CAMTA1: variants seen among roughly 807,000 people sequenced by gnomAD.
The protein encoded by CAMTA1 is calmodulin-binding transcription activator 1.
In CAMTA1, 27 loss-of-function variants were observed where a neutral mutation model predicts 170.9. The observed-to-expected ratio is 0.16, with a 90% confidence interval of 0.12 to 0.22. The LOEUF (loss-of-function observed/expected upper bound fraction) is 0.22, where lower values mean the gene tolerates loss of function less well. CAMTA1 is among the 10% of genes least tolerant of loss of function. The pLI is 1.00. For synonymous variants in CAMTA1, 833 were observed against 891.5 expected, an observed-to-expected ratio of 0.93 and a Z score of 1.17; for missense variants, 1,619 against 2,217.2, an observed-to-expected ratio of 0.73 and a Z score of 5.42.
At chr1:7,424,933 A>G (rs562470627) in intron 5 of CAMTA1, among the ~76,000 whole-genome samples, 176 of 152,180 alleles carry the variant, frequency 1.2e-3, no homozygotes, top group Non-Finnish European at 2.0e-3. Context: ...AGTTGAGGGG[A>G]CAAGAAGGGA....
chr1:7,296,694 C>T (rs1003820410), intron 5 of CAMTA1, among the ~76,000 whole-genome samples: 9 of 151,870 alleles, frequency 5.9e-5, no homozygotes, highest in Non-Finnish European at 1.0e-4. Flanking sequence ...GTTTTGGCCA[C>T]GTCAAGGGTG....
At chr1:6,973,691 G>T (rs986810764) in intron 3 of CAMTA1, among the ~76,000 whole-genome samples, 2 of 152,162 alleles carry the variant, frequency 1.3e-5, no homozygotes, top group African/African-American at 4.8e-5. Context: ...CAGTGGCCAC[G>T]ATTCTGAACC....
At chr1:6,906,181 A>AATGCTCCTGGCAGT (rs113884533) in intron 3 of CAMTA1, among the ~76,000 whole-genome samples, 54 of 151,844 alleles carry the variant, frequency 3.6e-4, no homozygotes, top group Admixed American at 5.9e-4. Flanking sequence ...GTCATGTCAA[A>AATGCTCCTGGCAGT]TGGTACTCCC....
In CAMTA1 at chr1:7,661,739, G is replaced by A. The variant is rs775074816; in HGVS notation, c.678G>A (p.Lys226=). ...CTCTCTTCACAGTCCATGGCATCAA[G>A]TGGACCTGCAGCAATGGGAACAGCA... ...GQLKPMFHGI[K]WTCSNGNSSS... is the part of the protein sequence containing the mutation. Residue 226 remains lysine, a synonymous_variant, in exon 8 of 23, where the codon AAG becomes AAA. Coordinates refer to ENST00000303635, the MANE Select transcript of CAMTA1 (RefSeq NM_015215.4). The A allele has an allele frequency of 1.2e-6, 2 of 1,613,974 alleles. No homozygotes were observed. Among genetic ancestry groups the A allele is most frequent in the South Asian group, 1.1e-5 (1 of 91,078 alleles).
At position 7,634,088 on chromosome 1, in the gene CAMTA1, G is replaced by C. The variant is rs141012383; in HGVS notation, c.511-6312G>C. 6.6e-6 allele frequency among the ~76,000 whole-genome samples: 1 copy of C among 152,188 alleles called. No homozygotes were observed. The highest frequency in any genetic ancestry group is 6.5e-5 in the Admixed American group (1 of 15,284). ...GTGTGGGCCTGATCTCAGTGCCAAGGAGCCGTCCGGAACAGCCCAACCACG... is the reference window on the plus strand; with the variant it reads ...GTGTGGGCCTGATCTCAGTGCCAAGCAGCCGTCCGGAACAGCCCAACCACG... On this transcript the variant is annotated intron_variant, in intron 6 of 22. Transcript: ENST00000303635. The surrounding 1 kb of genome is among the most constrained non-coding windows in gnomAD (Gnocchi z 6.2).
At chr1:7,270,258 CACACACACACA>C (rs1669544052) in intron 5 of CAMTA1, among the ~76,000 whole-genome samples, 1 of 96,056 alleles carries the variant, frequency 1.0e-5, no homozygotes, top group Non-Finnish European at 2.2e-5. Flanking sequence ...CACACACACA[CACACACACACA>C]CACACATATA....
At chr1:6,818,612 T>G (rs1646112891) in intron 1 of CAMTA1, among the ~76,000 whole-genome samples, 1 of 152,168 alleles carries the variant, frequency 6.6e-6, no homozygotes, top group Non-Finnish European at 1.5e-5. Context: ...CTAGTAAATG[T>G]TAGAACTGAA....
rs546024060 is a variant in CAMTA1, at chr1:7,313,924, C to T, written c.438+64298C>T. Among the ~76,000 whole-genome samples the T allele has an allele frequency of 1.1e-4, 16 of 152,234 alleles. 2 individuals are homozygous for T. In the South Asian group the frequency reaches 2.3e-3, roughly 22 times the overall value. The stretch of plus-strand genomic sequence containing the variant: ...TGCGGAGAGGGCACATCAGAGCTCT[C>T]AGAGGCACAGAAGGGCCACTGAATC... On this transcript the variant is annotated intron_variant, in intron 5 of 22. Transcript: ENST00000303635.
chr1:7,608,566 C>T lies in CAMTA1; in HGVS notation c.511-31834C>T, dbSNP rs921171710. Among the ~76,000 whole-genome samples the T allele has an allele frequency of 2.6e-5, 4 of 152,194 alleles. No individual in the cohort carries two copies. The South Asian group carries it at 6.2e-4, about 24-fold the overall frequency. On this transcript the variant is annotated intron_variant, in intron 6 of 22. Coordinates refer to ENST00000303635, the MANE Select transcript of CAMTA1 (RefSeq NM_015215.4). ...CCCAGCCCAGGGAAAGGGATTGGGG[C>T]TCCATGAGAGGCTGATGGCAGGGAA...
chr1:7,322,832 T>C (rs1173823727), intron 5 of CAMTA1, among the ~76,000 whole-genome samples: 1 of 152,226 alleles, frequency 6.6e-6, no homozygotes, highest in Non-Finnish European at 1.5e-5. Flanking sequence ...TATCAGACTT[T>C]TCAAAGAATC....
intron 5 of CAMTA1, among the ~76,000 whole-genome samples, chr1:7,297,727 G>A (rs1230616790): frequency 6.6e-6 from 1 of 152,224 alleles, no homozygotes; most frequent in African/African-American, 2.4e-5. Context: ...CTAGGCTGCT[G>A]TGCCCCATCG....
chr1:7,610,387 T>C (rs989100881), intron 6 of CAMTA1, among the ~76,000 whole-genome samples: 2 of 152,174 alleles, frequency 1.3e-5, no homozygotes, highest in African/African-American at 4.8e-5. Flanking sequence ...TTGCACTTAA[T>C]AAACATGGGT....
intron 3 of CAMTA1, among the ~76,000 whole-genome samples, chr1:6,943,442 C>T (rs1037851461): frequency 4.5e-4 from 69 of 152,240 alleles, no homozygotes; most frequent in Admixed American, 2.1e-3. Context: ...TAGGTGGCGC[C>T]CCACACCTCC....
chr1:7,567,155 C>T (rs906775260), intron 6 of CAMTA1, among the ~76,000 whole-genome samples: 3 of 152,192 alleles, frequency 2.0e-5, no homozygotes, highest in Non-Finnish European at 2.9e-5. Flanking sequence ...TTCTGGAAGG[C>T]ACTCTGAGGA....
intron 6 of CAMTA1, among the ~76,000 whole-genome samples, chr1:7,574,327 G>T (rs2150353152): frequency 6.6e-6 from 1 of 152,302 alleles, no homozygotes; most frequent in East Asian, 1.9e-4. Context: ...ATGGGGCGGT[G>T]CCTGAACCCA....
chr1:7,466,908 C>T (rs1024888844), intron 5 of CAMTA1, among the ~76,000 whole-genome samples: 1 of 152,156 alleles, frequency 6.6e-6, no homozygotes, highest in Non-Finnish European at 1.5e-5. Context: ...CCCACTCAGA[C>T]CTTCCAGCTG....
intron 4 of CAMTA1, among the ~76,000 whole-genome samples, chr1:7,214,009 T>G (rs553106935): frequency 1.4e-4 from 22 of 152,364 alleles, no homozygotes; most frequent in African/African-American, 5.1e-4. Context: ...AGTCTATCAT[T>G]GTTGGACATT....
In CAMTA1 at chr1:7,286,612, A is replaced by T. The variant is rs562812675; in HGVS notation, c.438+36986A>T. Among the ~76,000 whole-genome samples, 1 of 152,162 alleles carries T rather than the reference A, an allele frequency of 6.6e-6. No homozygotes were observed. Among genetic ancestry groups the T allele is most frequent in the Non-Finnish European group, 1.5e-5 (1 of 68,028 alleles). Reference sequence around the variant, plus strand: ...GATTTTGGCAGCAATGCGTTTCTATAAGAAGTGGAGATATTTGGAGCTGCT... The same window carrying T: ...GATTTTGGCAGCAATGCGTTTCTATTAGAAGTGGAGATATTTGGAGCTGCT... On this transcript the variant is annotated intron_variant, in intron 5 of 22. Coordinates refer to ENST00000303635, the MANE Select transcript of CAMTA1 (RefSeq NM_015215.4). This position sits in a 1 kb window ranked among gnomAD's most constrained non-coding sequence, Gnocchi z 4.2.
intron 3 of CAMTA1, among the ~76,000 whole-genome samples, chr1:7,021,866 T>G (rs1701401107): frequency 6.6e-6 from 1 of 152,188 alleles, no homozygotes; most frequent in African/African-American, 2.4e-5. Flanking sequence ...GGGCATTTCT[T>G]TCTGGGGTTT....
Sources: gnomAD v4.1 joint callset for allele counts (sites outside exome capture counted in the v4.1 genomes callset) on GRCh38, gnomAD v4.1.1 for gene constraint, Gnocchi (gnomAD v3.1) non-coding constraint, MANE v1.5 for transcripts, NCBI Gene and HGNC (gene_info 2026-07-23, HGNC 2026-07-21) for gene names.